TMEM132B: variants seen among roughly 807,000 people sequenced by gnomAD.
The protein encoded by TMEM132B is transmembrane protein 132B.
TMEM132B carries 18 observed loss-of-function variants against 90.8 expected under a neutral mutation model. The observed-to-expected ratio is 0.20, with a 90% CI of 0.14 to 0.29. The LOEUF (loss-of-function observed/expected upper bound fraction) is 0.29, where lower values mean the gene tolerates loss of function less well. TMEM132B is among the 10% of genes least tolerant of loss of function. TMEM132B has a pLI of 1.00. For missense variants in TMEM132B, 1,096 were observed against 1,326.8 expected, an observed-to-expected ratio of 0.83 and a Z score of 2.70; for synonymous variants, 504 against 523.3, an observed-to-expected ratio of 0.96 and a Z score of 0.50.
At chr12:125,631,509 G>C (rs1281883928) in intron 5 of TMEM132B, among the ~76,000 whole-genome samples, 1 of 152,072 alleles carries the variant, frequency 6.6e-6, no homozygotes, top group Non-Finnish European at 1.5e-5. Flanking sequence ...AATCCATTTG[G>C]TCTATAGTGC....
At chr12:125,290,682 C>T (rs1053353932) in intron 1 of TMEM132B, among the ~76,000 whole-genome samples, 8 of 152,260 alleles carry the variant, frequency 5.3e-5, no homozygotes, top group East Asian at 1.9e-4. Flanking sequence ...GAATATATCA[C>T]GGAATATTCA....
chr12:125,524,742 A>G (rs541935679), intron 4 of TMEM132B, among the ~76,000 whole-genome samples: 2 of 152,266 alleles, frequency 1.3e-5, no homozygotes, highest in Non-Finnish European at 2.9e-5. Context: ...CAGAAGTTCA[A>G]CCTCAGGATG....
chr12:125,401,004 T>C (rs57969115), intron 2 of TMEM132B, among the ~76,000 whole-genome samples: 3,100 of 152,264 alleles, frequency 0.02, 112 homozygotes, highest in African/African-American at 0.064. Flanking sequence ...TCTAGAGGTT[T>C]GGTCCCAATC....
intron 4 of TMEM132B, among the ~76,000 whole-genome samples, chr12:125,549,821 A>G (rs1446940037): frequency 2.0e-5 from 3 of 152,208 alleles, no homozygotes; most frequent in Non-Finnish European, 4.4e-5. Context: ...CAGTAGACAG[A>G]AGAAATTAAC....
At position 125,445,204 on chromosome 12, in the gene TMEM132B, C is replaced by T. The variant is rs1880973624; in HGVS notation, c.1106+29527C>T. Among the ~76,000 whole-genome samples, 1 of 151,964 alleles carries T rather than the reference C, an allele frequency of 6.6e-6. No homozygotes were observed. The highest frequency in any genetic ancestry group is 1.5e-5 in the Non-Finnish European group (1 of 67,996). On this transcript the variant is annotated intron_variant, in intron 3 of 8. Coordinates refer to ENST00000682704, the MANE Select transcript of TMEM132B (RefSeq NM_001366854.1). The surrounding 1 kb of genome is among the most constrained non-coding windows in gnomAD (Gnocchi z 4.3). ...GATATTTATTAATCATTTGTATTTC[C>T]ACTTTTGGTAATTGTCTTTTCCCAC... is the stretch of plus-strand genomic sequence containing the variant.
At chr12:125,479,081 A>G (rs944470519) in intron 3 of TMEM132B, among the ~76,000 whole-genome samples, 1 of 152,234 alleles carries the variant, frequency 6.6e-6, no homozygotes, top group Admixed American at 6.5e-5. Flanking sequence ...TGTCACCACC[A>G]GGCCTGCTTT....
chr12:125,463,434 C>G (rs970787913), intron 3 of TMEM132B, among the ~76,000 whole-genome samples: 1 of 152,202 alleles, frequency 6.6e-6, no homozygotes, highest in African/African-American at 2.4e-5. Context: ...AGCTTTCCCC[C>G]TCTTTGTGCT....
intron 1 of TMEM132B, among the ~76,000 whole-genome samples, chr12:125,316,377 A>G (rs907407462): frequency 2.0e-5 from 3 of 152,152 alleles, no homozygotes; most frequent in Non-Finnish European, 4.4e-5. Context: ...GATTCTAAGC[A>G]GCATCTCTTC....
At chr12:125,218,769 GT>G (rs34905706) in intron 1 of TMEM132B, among the ~76,000 whole-genome samples, 1,573 of 108,840 alleles carry the variant, frequency 0.014, 18 homozygotes, top group African/African-American at 0.052. Flanking sequence ...TGTTGAAGCT[GT>G]TTTTTTTTTT....
chr12:125,594,626 C>T (rs1037333173), intron 5 of TMEM132B, among the ~76,000 whole-genome samples: 3 of 152,072 alleles, frequency 2.0e-5, no homozygotes, highest in Admixed American at 6.6e-5. Flanking sequence ...ATATCCCTAG[C>T]GATTACTGAT....
At chr12:125,265,045 T>A (rs1490585516) in intron 1 of TMEM132B, among the ~76,000 whole-genome samples, 3 of 152,230 alleles carry the variant, frequency 2.0e-5, no homozygotes, top group Admixed American at 2.0e-4. Context: ...GCTATTAACC[T>A]GTACAGCTTG....
intron 2 of TMEM132B, among the ~76,000 whole-genome samples, chr12:125,352,679 A>G (rs78092977): frequency 0.018 from 2,773 of 152,388 alleles, 83 homozygotes; most frequent in African/African-American, 0.057. Context: ...GGAACTGGGC[A>G]TATAAATTCC....
intron 5 of TMEM132B, among the ~76,000 whole-genome samples, chr12:125,643,347 T>C (rs907647284): frequency 2.0e-5 from 3 of 152,226 alleles, no homozygotes; most frequent in Non-Finnish European, 2.9e-5. Flanking sequence ...GTTACATAAA[T>C]ACATTTTCCT....
chr12:125,203,638 G>A (rs926534798), intron 1 of TMEM132B, among the ~76,000 whole-genome samples: 5 of 151,990 alleles, frequency 3.3e-5, no homozygotes, highest in Admixed American at 2.6e-4. Context: ...ATGATCTATT[G>A]GCTGCCAATA....
intron 4 of TMEM132B, among the ~76,000 whole-genome samples, chr12:125,565,383 T>G (rs1358878951): frequency 6.6e-6 from 1 of 152,202 alleles, no homozygotes; most frequent in African/African-American, 2.4e-5. Context: ...CACAGCAGCA[T>G]CCAGGGGTGG....
Position 125,644,223 on chromosome 12 carries a change from T to A in TMEM132B, c.1585T>A (p.Ser529Thr), listed in dbSNP as rs765213267. The change falls in exon 6 of 9, where the codon TCA becomes ACA. Residue 529 changes from serine (S) to threonine (T), a missense_variant. By Grantham distance (58) the Ser-to-Thr change is moderately conservative. Coordinates refer to ENST00000682704, the MANE Select transcript of TMEM132B (RefSeq NM_001366854.1). ...CAGGCTCCCCCTGCAGATTGAGATC[T>A]CAGACACCGAGCTGAGCCAGATCAA... The part of the protein sequence containing the change: ...APRLPLQIEI[S>T]DTELSQIKGW... The A allele has an allele frequency of 1.2e-6, 2 of 1,614,076 alleles. No homozygotes were observed. The highest frequency in any genetic ancestry group is 2.7e-5 in the African/African-American group (2 of 74,920).
chr12:125,202,482 G>T (rs1181992737), intron 1 of TMEM132B, among the ~76,000 whole-genome samples: 1 of 152,226 alleles, frequency 6.6e-6, no homozygotes, highest in African/African-American at 2.4e-5. Flanking sequence ...CTGCTGCTGT[G>T]CTCACATGGT....
Position 125,407,397 on chromosome 12 carries a change from C to G in TMEM132B, c.960-8134C>G, listed in dbSNP as rs1286827054. ...AAAAGTGGCTGGTCTAAGTAGAAGA[C>G]AGAAAGATGCAGGTGTGTACTCACA... On this transcript the variant is annotated intron_variant, in intron 2 of 8. Coordinates refer to ENST00000682704, the MANE Select transcript of TMEM132B (RefSeq NM_001366854.1). The surrounding 1 kb of genome is among the most constrained non-coding windows in gnomAD (Gnocchi z 6.7). Among the ~76,000 whole-genome samples the G allele has an allele frequency of 6.6e-6, 1 of 152,188 alleles. No homozygotes were observed. The highest frequency in any genetic ancestry group is 2.4e-5 in the African/African-American group (1 of 41,448).
chr12:125,428,477 C>T (rs993684195), intron 3 of TMEM132B, among the ~76,000 whole-genome samples: 4 of 151,930 alleles, frequency 2.6e-5, no homozygotes, highest in Non-Finnish European at 5.9e-5. Context: ...CATATTATAT[C>T]ATTATTATAT....
Sources: allele counts gnomAD v4.1 joint callset (sites outside exome capture counted in the v4.1 genomes callset), GRCh38; gene constraint gnomAD v4.1.1; non-coding constraint Gnocchi (gnomAD v3.1); transcripts MANE v1.5; gene names NCBI Gene and HGNC (gene_info 2026-07-23, HGNC 2026-07-21).